The following HIBADH variants were observed in gnomAD, a reference collection of about 807,000 sequenced individuals.
HIBADH encodes 3-hydroxyisobutyrate dehydrogenase.
Under a neutral mutation model 36.1 loss-of-function variants are expected in HIBADH, and 25 were observed. That is an observed-to-expected ratio of 0.69 (90% CI 0.50 to 0.97). HIBADH has a LOEUF of 0.97. HIBADH is among the 50% of genes least tolerant of loss of function. The probability of loss-of-function intolerance (pLI) is 0.00; values close to 1 mark genes in which losing one functional copy is unlikely to be tolerated. For missense variants in HIBADH, 421 were observed against 418.0 expected, an observed-to-expected ratio of 1.01 and a Z score of -0.06; for synonymous variants, 160 against 149.5, an observed-to-expected ratio of 1.07 and a Z score of -0.51.
At chr7:27,616,538 T>C (rs1010976851) in intron 4 of HIBADH, among the ~76,000 whole-genome samples, 10 of 152,152 alleles carry the variant, frequency 6.6e-5, no homozygotes, top group South Asian at 4.1e-4. Flanking sequence ...CACGACTCAC[T>C]GCACCCTCAA....
At position 27,631,528 on chromosome 7, in the gene HIBADH, G is replaced by A. The variant is rs1785745516; in HGVS notation, c.362+808C>T. Among the ~76,000 whole-genome samples the A allele has an allele frequency of 2.0e-5, 3 of 152,050 alleles. No homozygotes were observed. In the South Asian group the frequency reaches 6.2e-4, roughly 31 times the overall value. On this transcript the variant is annotated intron_variant, in intron 3 of 7. Coordinates refer to ENST00000265395, the MANE Select transcript of HIBADH (RefSeq NM_152740.4). ...TTGCTGAAATTCAACAACAAAATAAGTTAGGAATAGAAACAGTGACATGAC... is the reference window on the plus strand; with the variant it reads ...TTGCTGAAATTCAACAACAAAATAAATTAGGAATAGAAACAGTGACATGAC...
At chr7:27,644,540 C>T (rs1004583593) in intron 2 of HIBADH, among the ~76,000 whole-genome samples, 6 of 147,704 alleles carry the variant, frequency 4.1e-5, no homozygotes, top group Non-Finnish European at 8.9e-5. Flanking sequence ...GCGGAGGTTG[C>T]AGTGAGCCAA....
intron 4 of HIBADH, among the ~76,000 whole-genome samples, chr7:27,550,805 A>G (rs1479149619): frequency 1.3e-5 from 2 of 152,192 alleles, no homozygotes; most frequent in African/African-American, 4.8e-5. Context: ...TGTCTGATAA[A>G]TGTTAATTTT....
At chr7:27,656,698 C>A (rs1032157357) in intron 1 of HIBADH, among the ~76,000 whole-genome samples, 2 of 152,130 alleles carry the variant, frequency 1.3e-5, no homozygotes, top group Admixed American at 6.6e-5. Flanking sequence ...AATTTTATAA[C>A]CTTTCCCATT....
At chr7:27,613,062 TTA>T (rs1272843818) in intron 4 of HIBADH, among the ~76,000 whole-genome samples, 133 of 131,532 alleles carry the variant, frequency 1.0e-3, no homozygotes, top group African/African-American at 3.6e-3. Context: ...ATAATATAAT[TTA>T]TATATATTAC....
intron 7 of HIBADH, among the ~76,000 whole-genome samples, chr7:27,528,502 T>A (rs4719900): frequency 0.76 from 115,890 of 152,146 alleles, 44,624 homozygotes; most frequent in East Asian, 0.94. Context: ...TGATAGGGAG[T>A]AAGTTTGAGT....
rs368657768 is a variant in HIBADH, at chr7:27,641,353, T to G, written c.252+8120A>C. Among the ~76,000 whole-genome samples, 4 of 152,156 alleles carry G rather than the reference T, an allele frequency of 2.6e-5. No homozygotes were observed. The South Asian group carries it at 8.3e-4, about 32-fold the overall frequency. Reference sequence around the variant, plus strand: ...GTGTTGGGGGATGGGCTTGTTTTCTTTGGCTCTCACTTCATCAGCTTGACT... The same window carrying G: ...GTGTTGGGGGATGGGCTTGTTTTCTGTGGCTCTCACTTCATCAGCTTGACT... On this transcript the variant is annotated intron_variant, in intron 2 of 7. Coordinates refer to ENST00000265395, the MANE Select transcript of HIBADH (RefSeq NM_152740.4).
At chr7:27,638,189 A>G (rs1480750477) in intron 2 of HIBADH, among the ~76,000 whole-genome samples, 1 of 151,868 alleles carries the variant, frequency 6.6e-6, no homozygotes, top group Non-Finnish European at 1.5e-5. Context: ...ACTTTTCTAT[A>G]GGGCTACAGT....
chr7:27,636,196 A>G (rs1785838354), intron 2 of HIBADH, among the ~76,000 whole-genome samples: 1 of 152,208 alleles, frequency 6.6e-6, no homozygotes, highest in South Asian at 2.1e-4. Flanking sequence ...GAAGAGAAAA[A>G]TCTTGCTGCC....
chr7:27,583,771 A>G (rs1784823525), intron 4 of HIBADH, among the ~76,000 whole-genome samples: 1 of 152,048 alleles, frequency 6.6e-6, no homozygotes, highest in Non-Finnish European at 1.5e-5. Context: ...TTGAGGACAC[A>G]AAAGCTTTTG....
chr7:27,623,658 T>C (rs1785586094), intron 4 of HIBADH, among the ~76,000 whole-genome samples: 1 of 152,086 alleles, frequency 6.6e-6, no homozygotes, highest in African/African-American at 2.4e-5. Flanking sequence ...ATAATTGCTA[T>C]GAAAAATAAA....
At chr7:27,581,271 G>T (rs1784784134) in intron 4 of HIBADH, among the ~76,000 whole-genome samples, 1 of 152,156 alleles carries the variant, frequency 6.6e-6, no homozygotes, top group Admixed American at 6.5e-5. Flanking sequence ...TGAACAGTTG[G>T]ATTTGACCAG....
chr7:27,613,939 CG>C (rs1489533399), intron 4 of HIBADH, among the ~76,000 whole-genome samples: 1 of 152,036 alleles, frequency 6.6e-6, no homozygotes, highest in Non-Finnish European at 1.5e-5. Flanking sequence ...GGATTACAGG[CG>C]TAAGTCACTG....
At chr7:27,573,546 A>C (rs528114644) in intron 4 of HIBADH, among the ~76,000 whole-genome samples, 16 of 152,226 alleles carry the variant, frequency 1.1e-4, no homozygotes, top group Non-Finnish European at 2.4e-4. Flanking sequence ...TTCTAAAAAC[A>C]GGAGTGGAAG....
intron 4 of HIBADH, among the ~76,000 whole-genome samples, chr7:27,579,217 T>A (rs1025373186): frequency 3.3e-5 from 5 of 152,200 alleles, no homozygotes; most frequent in Non-Finnish European, 1.5e-5. Flanking sequence ...GGTGTGATAG[T>A]AGTTTTGGAG....
In HIBADH at chr7:27,543,092, C is replaced by T. The variant is rs773571533; in HGVS notation, c.493G>A (p.Ala165Thr). 9.3e-6 allele frequency: 15 copies of T among 1,613,500 alleles called. No individual in the cohort carries two copies. The highest frequency in any genetic ancestry group is 1.3e-5 in the Non-Finnish European group (15 of 1,179,780). ...MDAPVSGGVG[A>T]ARSGNLTFMV... ...AACGTGAGGTTCCCAGATCGTGCAG[C>T]TCCTACACCTGAATCATTTGGGGGT... Residue 165 changes from alanine (A) to threonine (T), a missense_variant, in exon 5 of 8, where the codon GCT becomes ACT. Ala to Thr is a moderately conservative substitution (Grantham distance 58). Transcript: ENST00000265395.
intron 4 of HIBADH, among the ~76,000 whole-genome samples, chr7:27,566,685 A>G (rs1266558848): frequency 6.6e-6 from 1 of 152,172 alleles, no homozygotes; most frequent in African/African-American, 2.4e-5. Context: ...TTAATTTTAT[A>G]AATTTCCTTC....
intron 1 of HIBADH, among the ~76,000 whole-genome samples, chr7:27,653,444 T>C (rs1217206766): frequency 1.3e-5 from 2 of 151,996 alleles, no homozygotes; most frequent in African/African-American, 2.4e-5. Flanking sequence ...CTATTAGAAA[T>C]ACCATGACCG....
At chr7:27,602,800 C>T (rs1248231318) in intron 4 of HIBADH, among the ~76,000 whole-genome samples, 3 of 152,004 alleles carry the variant, frequency 2.0e-5, no homozygotes, top group Non-Finnish European at 1.5e-5. Context: ...TACATGCAAA[C>T]GTACTTTCTC....
Sources: allele counts gnomAD v4.1 joint callset (sites outside exome capture counted in the v4.1 genomes callset), GRCh38; gene constraint gnomAD v4.1.1; transcripts MANE v1.5; gene names NCBI Gene and HGNC (gene_info 2026-07-23, HGNC 2026-07-21).